Variants in COL21A1 observed in about 807,000 individuals in gnomAD.
The protein encoded by COL21A1 is collagen type XXI alpha 1 chain.
COL21A1 carries 149 observed loss-of-function variants against 137.9 expected under a neutral mutation model. The ratio of observed to expected loss-of-function variants is 1.08; its 90% CI spans 0.95 to 1.24. COL21A1 has a LOEUF of 1.24. Ranked by LOEUF, COL21A1 falls within the 50% of genes most tolerant of loss-of-function variation. COL21A1 has a pLI of 0.00. For missense variants in COL21A1, 1,167 were observed against 1,158.4 expected (o/e 1.01, Z -0.11); for synonymous variants, 456 against 391.5 (o/e 1.16, Z -1.95).
intron 1 of COL21A1, among the ~76,000 whole-genome samples, chr6:56,359,796 G>A (rs1765924996): frequency 6.6e-6 from 1 of 152,154 alleles, no homozygotes; most frequent in African/African-American, 2.4e-5. Context: ...GTTCTATTAT[G>A]TGAGTCTGAA....
At chr6:56,192,894 T>C (rs1778784163) in intron 1 of COL21A1, among the ~76,000 whole-genome samples, 2 of 152,190 alleles carry the variant, frequency 1.3e-5, no homozygotes, top group Admixed American at 6.5e-5. Flanking sequence ...CTATTCACAA[T>C]GGCAAAGACT....
At chr6:56,100,973 G>T (rs1426561172) in intron 17 of COL21A1, among the ~76,000 whole-genome samples, 1 of 152,150 alleles carries the variant, frequency 6.6e-6, no homozygotes. Flanking sequence ...TGTTGGCCAC[G>T]AGTTGTAGGA....
chr6:56,216,438 C>T (rs1334243471), intron 1 of COL21A1, among the ~76,000 whole-genome samples: 1 of 152,030 alleles, frequency 6.6e-6, no homozygotes, highest in Non-Finnish European at 1.5e-5. Flanking sequence ...TCACACACGC[C>T]TAACTTTCCT....
chr6:56,313,836 C>T (rs1173685391), intron 1 of COL21A1, among the ~76,000 whole-genome samples: 1 of 152,154 alleles, frequency 6.6e-6, no homozygotes, highest in Non-Finnish European at 1.5e-5. Context: ...GCCAAATCAG[C>T]CTAGTGACCT....
intron 16 of COL21A1, 24 bp from the exon 17 acceptor site, chr6:56,101,549 A>C: frequency 6.4e-7 from 1 of 1,557,310 alleles, no homozygotes; most frequent in Non-Finnish European, 8.7e-7. Context: ...GACAAAAAGA[A>C]ATAGAGAATT....
chr6:56,299,711 G>A (rs1277491426), intron 1 of COL21A1, among the ~76,000 whole-genome samples: 1 of 151,652 alleles, frequency 6.6e-6, no homozygotes, highest in Non-Finnish European at 1.5e-5. Flanking sequence ...TTAAAATTCT[G>A]GTTTCCCCTA....
At chr6:56,243,568 C>A (rs1465014083) in intron 1 of COL21A1, among the ~76,000 whole-genome samples, 5 of 152,102 alleles carry the variant, frequency 3.3e-5, no homozygotes, top group African/African-American at 1.2e-4. Context: ...TTCATTAAGG[C>A]CCAAAGTAAA....
At chr6:56,357,488 G>C (rs1156976610) in intron 1 of COL21A1, among the ~76,000 whole-genome samples, 5 of 152,152 alleles carry the variant, frequency 3.3e-5, no homozygotes, top group African/African-American at 7.2e-5. Flanking sequence ...GTGAAAGTAC[G>C]CATAAAATGT....
At chr6:56,124,001 T>C (rs1772785148) in intron 16 of COL21A1, 61 bp downstream of exon 16, 2 of 1,318,094 alleles carry the variant, frequency 1.5e-6, no homozygotes, top group East Asian at 2.6e-5. Context: ...ATTTTTCTTA[T>C]GTTTCCTCTC....
At chr6:56,315,660 TC>T (rs1160925270) in intron 1 of COL21A1, among the ~76,000 whole-genome samples, 1 of 151,636 alleles carries the variant, frequency 6.6e-6, no homozygotes, top group Non-Finnish European at 1.5e-5. Context: ...CCCTCTTCCT[TC>T]CTCCTCTCCC....
intron 12 of COL21A1, among the ~76,000 whole-genome samples, chr6:56,134,957 T>C (rs1773867642): frequency 6.6e-6 from 1 of 152,114 alleles, no homozygotes; most frequent in Admixed American, 6.6e-5. Context: ...GTCTTTATTG[T>C]ATTAGTGGAA....
chr6:56,224,219 G>T (rs1198641078), intron 1 of COL21A1, among the ~76,000 whole-genome samples: 1 of 152,112 alleles, frequency 6.6e-6, no homozygotes, highest in Non-Finnish European at 1.5e-5. Flanking sequence ...GAAGCTGTGA[G>T]TAATAAAGTC....
chr6:56,211,740 G>A (rs911199141), intron 1 of COL21A1, among the ~76,000 whole-genome samples: 9 of 151,978 alleles, frequency 5.9e-5, no homozygotes, highest in Non-Finnish European at 1.2e-4. Context: ...CACTGGGTAA[G>A]CCTCTAAAAA....
intron 1 of COL21A1, chr6:56,331,722 A>G (rs951545485): frequency 2.6e-5 from 4 of 152,116 alleles, no homozygotes. Context: ...TGATGCTTCC[A>G]GCCTTATTCT....
In COL21A1 at chr6:56,088,180, A is replaced by G. The variant is rs1768438308; in HGVS notation, c.1813-10607T>C. On this transcript the variant is annotated intron_variant, in intron 17 of 29. Coordinates refer to ENST00000244728, the MANE Select transcript of COL21A1 (RefSeq NM_030820.4). ...GGACTTCAAGACCAGCCTGGCCAAC[A>G]TGGTGAAACCCCGTCTCTACTAAAA... Among the ~76,000 whole-genome samples, 2 of 152,138 alleles carry G rather than the reference A, an allele frequency of 1.3e-5. 1 individual carries two copies. The highest frequency in any genetic ancestry group is 4.1e-4 in the South Asian group (2 of 4,826).
chr6:56,206,689 AATAAATAAATATATAT>A (rs1779798743), intron 1 of COL21A1, among the ~76,000 whole-genome samples: 1 of 22,204 alleles, frequency 4.5e-5, no homozygotes. Flanking sequence ...AAAATAAATA[AATAAATAAATATATAT>A]ATATATATAT....
intron 17 of COL21A1, among the ~76,000 whole-genome samples, chr6:56,097,686 T>C (rs1769475382): frequency 2.1e-5 from 3 of 145,730 alleles, no homozygotes; most frequent in Admixed American, 1.5e-4. Flanking sequence ...TGCTTGGCGA[T>C]AAAACTGAGA....
At chr6:56,088,023 T>C (rs1263112519) in intron 17 of COL21A1, among the ~76,000 whole-genome samples, 1 of 152,186 alleles carries the variant, frequency 6.6e-6, no homozygotes, top group Non-Finnish European at 1.5e-5. Flanking sequence ...AGCTGGAGAA[T>C]TGATAAATTC....
chr6:56,272,690 G>A (rs1763557388), intron 1 of COL21A1, among the ~76,000 whole-genome samples: 1 of 152,038 alleles, frequency 6.6e-6, no homozygotes, highest in Admixed American at 6.6e-5. Context: ...GATCATGGGG[G>A]TGGTTTCCCA....
Sources: allele counts gnomAD v4.1 joint callset (sites outside exome capture counted in the v4.1 genomes callset), GRCh38; gene constraint gnomAD v4.1.1; transcripts MANE v1.5; gene names NCBI Gene and HGNC (gene_info 2026-07-23, HGNC 2026-07-21).